The following LRRC4C variants were observed in gnomAD, a reference collection of about 807,000 sequenced individuals.
LRRC4C encodes leucine-rich repeat-containing protein 4C.
Under a neutral mutation model 33.6 loss-of-function variants are expected in LRRC4C, and 5 were observed. That is an observed-to-expected ratio of 0.15 (90% CI 0.08 to 0.31). The LOEUF is 0.31. Among genes scored for constraint, LRRC4C ranks in the 10% least tolerant of loss-of-function variants. LRRC4C has a pLI of 1.00. For synonymous variants in LRRC4C, 329 were observed against 302.0 expected (o/e 1.09, Z -0.93); for missense variants, 560 against 796.7 (o/e 0.70, Z 3.58).
At chr11:40,189,605 G>A (rs561465735) in intron 5 of LRRC4C, among the ~76,000 whole-genome samples, 4 of 152,074 alleles carry the variant, frequency 2.6e-5, no homozygotes, top group East Asian at 1.9e-4. Context: ...ACTTGAAGTC[G>A]ATTTAAATAA....
At chr11:40,251,328 G>A (rs2136181141) in intron 4 of LRRC4C, among the ~76,000 whole-genome samples, 1 of 152,268 alleles carries the variant, frequency 6.6e-6, no homozygotes, top group Non-Finnish European at 1.5e-5. Flanking sequence ...ATTGTGTGAT[G>A]TTATTTAACT....
At chr11:40,329,241 T>C (rs980298941) in intron 3 of LRRC4C, among the ~76,000 whole-genome samples, 1 of 152,208 alleles carries the variant, frequency 6.6e-6, no homozygotes, top group Non-Finnish European at 1.5e-5. Flanking sequence ...TTAAACCTTG[T>C]TTTACTTGGG....
chr11:40,507,677 T>C (rs2138685198), intron 3 of LRRC4C, among the ~76,000 whole-genome samples: 1 of 152,304 alleles, frequency 6.6e-6, no homozygotes, highest in East Asian at 1.9e-4. Context: ...AGATGCTTAT[T>C]TTAATATTGG....
Position 40,796,259 on chromosome 11 carries a change from G to A in LRRC4C, c.-407+137376C>T, listed in dbSNP as rs117529003. ...GGGATGGAACAAATGTCTCATCTCCGAAAGAGCTTAGAATTGAGCAGATGT... is the reference window on the plus strand; with the variant it reads ...GGGATGGAACAAATGTCTCATCTCCAAAAGAGCTTAGAATTGAGCAGATGT... On this transcript the variant is annotated intron_variant, in intron 2 of 6. Transcript: ENST00000528697. 7.1e-3 allele frequency among the ~76,000 whole-genome samples: 1,086 copies of A among 152,256 alleles called. 6 individuals are homozygous for A. The highest frequency in any genetic ancestry group is 0.01 in the Non-Finnish European group (688 of 68,018).
chr11:40,413,065 C>G (rs1950207225), intron 3 of LRRC4C, among the ~76,000 whole-genome samples: 3 of 152,062 alleles, frequency 2.0e-5, no homozygotes, highest in Admixed American at 1.3e-4. Context: ...GCGAATTTAT[C>G]TAGACAATGA....
intron 3 of LRRC4C, among the ~76,000 whole-genome samples, chr11:40,564,418 T>A (rs1261445172): frequency 6.6e-6 from 1 of 152,174 alleles, no homozygotes; most frequent in Non-Finnish European, 1.5e-5. Context: ...ATGTAATTCA[T>A]CCAGTCCATC....
intron 1 of LRRC4C, among the ~76,000 whole-genome samples, chr11:41,384,189 G>A (rs1396800962): frequency 1.3e-5 from 2 of 151,910 alleles, no homozygotes; most frequent in Admixed American, 6.6e-5. Flanking sequence ...AACCATTTAA[G>A]AACCTGCTAA....
At chr11:40,314,165 A>G (rs1323807160) in intron 4 of LRRC4C, among the ~76,000 whole-genome samples, 1 of 152,098 alleles carries the variant, frequency 6.6e-6, no homozygotes, top group African/African-American at 2.4e-5. Context: ...AGCAAAAAAT[A>G]AAAAATAAAT....
At chr11:40,606,620 AT>A (rs1960632813) in intron 3 of LRRC4C, among the ~76,000 whole-genome samples, 1 of 152,254 alleles carries the variant, frequency 6.6e-6, no homozygotes, top group South Asian at 2.1e-4. Context: ...CATCATAAGG[AT>A]GCTTAATGAG....
chr11:40,897,946 T>A (rs1472550737), intron 2 of LRRC4C, among the ~76,000 whole-genome samples: 1 of 152,204 alleles, frequency 6.6e-6, no homozygotes, highest in African/African-American at 2.4e-5. Flanking sequence ...TTTTGCTTGT[T>A]CCCAAAACTG....
At chr11:41,173,901 ATATT>A (rs1303071745) in intron 1 of LRRC4C, among the ~76,000 whole-genome samples, 2 of 152,188 alleles carry the variant, frequency 1.3e-5, no homozygotes, top group African/African-American at 4.8e-5. Context: ...AAATAACAAG[ATATT>A]TATTATCAGA....
intron 1 of LRRC4C, among the ~76,000 whole-genome samples, chr11:41,016,072 GA>G (rs1242781304): frequency 6.0e-5 from 9 of 149,920 alleles, no homozygotes; most frequent in Non-Finnish European, 7.4e-5. Context: ...TATTTTCAAA[GA>G]AAAAAAGGAG....
chr11:41,438,635 G>T (rs1431111455), intron 1 of LRRC4C, among the ~76,000 whole-genome samples: 1 of 152,194 alleles, frequency 6.6e-6, no homozygotes, highest in Non-Finnish European at 1.5e-5. Flanking sequence ...ACATGAGATG[G>T]AGTAAAACAA....
chr11:40,515,108 C>T (rs1361078648), intron 3 of LRRC4C, among the ~76,000 whole-genome samples: 1 of 152,094 alleles, frequency 6.6e-6, no homozygotes, highest in Non-Finnish European at 1.5e-5. Context: ...AACAAAACGA[C>T]TTTCATCTAT....
intron 1 of LRRC4C, among the ~76,000 whole-genome samples, chr11:40,944,224 A>T (rs900833636): frequency 4.6e-5 from 7 of 152,160 alleles, no homozygotes; most frequent in African/African-American, 1.7e-4. Context: ...TATTTGCATT[A>T]AAAAAACCCA....
At chr11:40,214,949 C>T (rs1565144059) in intron 5 of LRRC4C, among the ~76,000 whole-genome samples, 1 of 152,114 alleles carries the variant, frequency 6.6e-6, no homozygotes, top group Non-Finnish European at 1.5e-5. Context: ...AAAGGTGTTG[C>T]TGGTACTCCC....
intron 1 of LRRC4C, among the ~76,000 whole-genome samples, chr11:41,083,218 T>C (rs1939709087): frequency 6.6e-6 from 1 of 152,064 alleles, no homozygotes; most frequent in African/African-American, 2.4e-5. Flanking sequence ...AAAGTATTAT[T>C]TATCTGATTC....
chr11:41,012,126 T>C (rs755941694), intron 1 of LRRC4C, among the ~76,000 whole-genome samples: 8 of 152,106 alleles, frequency 5.3e-5, no homozygotes, highest in African/African-American at 1.9e-4. Context: ...AAATGTACAA[T>C]AGATTACTGT....
At position 40,247,951 on chromosome 11, in the gene LRRC4C, A is replaced by T. The variant is rs149772617; in HGVS notation, c.-175-6353T>A. ...TATGTCTCTTCTCTAAGGAGGTTTT[A>T]TATATGCAGCTTAAAATCCACATAA... is the stretch of plus-strand genomic sequence containing the variant. On this transcript the variant is annotated intron_variant, in intron 4 of 6. Coordinates refer to ENST00000528697, the MANE Select transcript of LRRC4C (RefSeq NM_001258419.2). Among the ~76,000 whole-genome samples, 208 of 152,310 alleles carry T rather than the reference A, an allele frequency of 1.4e-3. 2 individuals are homozygous for T. The highest frequency in any genetic ancestry group is 4.8e-3 in the African/African-American group (199 of 41,582).
Sources: gnomAD v4.1 joint callset for allele counts (sites outside exome capture counted in the v4.1 genomes callset) on GRCh38, gnomAD v4.1.1 for gene constraint, MANE v1.5 for transcripts, NCBI Gene and HGNC (gene_info 2026-07-23, HGNC 2026-07-21) for gene names.